Variants in VRK2 observed in about 807,000 individuals in gnomAD.
VRK2 encodes serine/threonine-protein kinase VRK2.
A neutral mutation model predicts 57.6 loss-of-function variants in VRK2; 60 were observed. That is an observed-to-expected ratio of 1.04 (90% CI 0.85 to 1.29). The LOEUF is 1.29. Among genes scored for constraint, VRK2 ranks in the 50% most tolerant of loss-of-function variants. VRK2 has a pLI of 0.00. For synonymous variants in VRK2, 231 were observed against 199.2 expected (o/e 1.16, Z -1.35); for missense variants, 705 against 588.1 (o/e 1.20, Z -2.06).
chr2:57,982,778 G>C (rs926572261), intron 1 of VRK2, among the ~76,000 whole-genome samples: 2 of 152,200 alleles, frequency 1.3e-5, no homozygotes, highest in Non-Finnish European at 2.9e-5. Context: ...GCCAGTAAAG[G>C]CTACAGCCAC....
chr2:57,982,175 G>C (rs1410483979), intron 1 of VRK2, among the ~76,000 whole-genome samples: 1 of 152,168 alleles, frequency 6.6e-6, no homozygotes, highest in Non-Finnish European at 1.5e-5. Context: ...GCACTCCTGG[G>C]CTATGTGCTG....
chr2:58,113,020 G>A (rs1468811385), intron 7 of VRK2, among the ~76,000 whole-genome samples: 2 of 152,048 alleles, frequency 1.3e-5, no homozygotes, highest in African/African-American at 4.8e-5. Context: ...TAAGACAATT[G>A]CATTTCTAGG....
chr2:58,060,063 G>A (rs1677098451), intron 2 of VRK2, among the ~76,000 whole-genome samples: 1 of 151,760 alleles, frequency 6.6e-6, no homozygotes. Flanking sequence ...AATTAGTTAT[G>A]TAAACCTTTT....
At chr2:58,013,799 C>A (rs1416854586) in intron 1 of VRK2, among the ~76,000 whole-genome samples, 1 of 135,060 alleles carries the variant, frequency 7.4e-6, no homozygotes, top group Non-Finnish European at 1.5e-5. Context: ...GCGGAGCTTG[C>A]AGTGAGCGGA....
intron 2 of VRK2, among the ~76,000 whole-genome samples, chr2:58,073,160 T>G (rs930514754): frequency 1.1e-4 from 16 of 152,260 alleles, no homozygotes; most frequent in African/African-American, 3.6e-4. Context: ...TCCATTTTGG[T>G]CTGAGAACAT....
At chr2:57,956,376 C>T (rs895827304) in intron 1 of VRK2, among the ~76,000 whole-genome samples, 4 of 152,072 alleles carry the variant, frequency 2.6e-5, no homozygotes, top group African/African-American at 9.7e-5. Flanking sequence ...CAGAGTGAGA[C>T]CCTATCTGTA....
intron 7 of VRK2, among the ~76,000 whole-genome samples, chr2:58,101,989 C>A (rs1674032970): frequency 6.6e-6 from 1 of 151,546 alleles, no homozygotes; most frequent in Non-Finnish European, 1.5e-5. Flanking sequence ...GTCAAGCCAA[C>A]CAAGTAGAGC....
chr2:58,080,718 C>G (rs1283057716), intron 2 of VRK2, among the ~76,000 whole-genome samples: 1 of 151,418 alleles, frequency 6.6e-6, no homozygotes, highest in African/African-American at 2.4e-5. Flanking sequence ...TATATTTTTA[C>G]TTTGTTCCTC....
chr2:58,003,561 T>C (rs546575828), intron 1 of VRK2, among the ~76,000 whole-genome samples: 1 of 152,178 alleles, frequency 6.6e-6, no homozygotes, highest in South Asian at 2.1e-4. Flanking sequence ...GCAAATTATT[T>C]TTAGCATAAT....
chr2:58,092,558 A>G (rs1035243271), intron 7 of VRK2, among the ~76,000 whole-genome samples: 1 of 152,174 alleles, frequency 6.6e-6, no homozygotes, highest in African/African-American at 2.4e-5. Context: ...TCTGGGTCAT[A>G]TGAAAGTGTA....
At position 57,980,934 on chromosome 2, in the gene VRK2, G is replaced by A. The variant is rs185265826; in HGVS notation, c.-438-44731G>A. On this transcript the variant is annotated intron_variant, in intron 1 of 15. Transcript: ENST00000417641. The stretch of plus-strand genomic sequence containing the variant: ...TGAGCCTATGGGTGTCATTGCATAT[G>A]AGACATGACTCTTGAAGACAGTATA... Among the ~76,000 whole-genome samples, 558 of 152,050 alleles carry A rather than the reference G, an allele frequency of 3.7e-3. 2 individuals carry two copies. The highest frequency in any genetic ancestry group is 5.8e-3 in the Non-Finnish European group (395 of 67,972).
intron 1 of VRK2, among the ~76,000 whole-genome samples, chr2:58,003,613 T>C (rs1222787971): frequency 1.3e-5 from 2 of 152,150 alleles, no homozygotes; most frequent in African/African-American, 2.4e-5. Flanking sequence ...GACTATAAAA[T>C]TAGTTTATCT....
intron 2 of VRK2, among the ~76,000 whole-genome samples, chr2:58,080,995 C>T (rs1670783523): frequency 1.3e-5 from 2 of 151,696 alleles, no homozygotes; most frequent in South Asian, 2.1e-4. Context: ...CTAATGCTGC[C>T]CATTAAACTA....
At chr2:58,077,356 T>A (rs1217762789) in intron 2 of VRK2, among the ~76,000 whole-genome samples, 1 of 152,042 alleles carries the variant, frequency 6.6e-6, no homozygotes, top group Non-Finnish European at 1.5e-5. Context: ...ATCCTAGGCC[T>A]TTGTTGTCTC....
chr2:57,953,339 T>A (rs1310744454), intron 1 of VRK2, among the ~76,000 whole-genome samples: 1 of 152,214 alleles, frequency 6.6e-6, no homozygotes, highest in Non-Finnish European at 1.5e-5. Flanking sequence ...CATATCTTTA[T>A]GATGGATTTG....
At chr2:57,908,851 G>A (rs959877655) in intron 1 of VRK2, among the ~76,000 whole-genome samples, 7 of 152,152 alleles carry the variant, frequency 4.6e-5, no homozygotes, top group African/African-American at 1.7e-4. Context: ...GGGTTGCTGG[G>A]TTTGCAAACA....
At chr2:57,909,772 A>G (rs2103879577) in intron 1 of VRK2, among the ~76,000 whole-genome samples, 1 of 152,290 alleles carries the variant, frequency 6.6e-6, no homozygotes, top group African/African-American at 2.4e-5. Context: ...TAGATTTTTA[A>G]TGAAGAAATC....
intron 1 of VRK2, among the ~76,000 whole-genome samples, chr2:57,990,170 G>A (rs910916678): frequency 1.3e-5 from 2 of 152,160 alleles, no homozygotes; most frequent in Non-Finnish European, 2.9e-5. Flanking sequence ...TAACACAAAT[G>A]GCCAAAGACT....
chr2:57,941,529 T>A (rs1269757314), intron 1 of VRK2, among the ~76,000 whole-genome samples: 1 of 152,234 alleles, frequency 6.6e-6, no homozygotes, highest in Non-Finnish European at 1.5e-5. Flanking sequence ...AAATCACCTT[T>A]CTGACACCTT....
Sources: gnomAD v4.1 joint callset for allele counts (sites outside exome capture counted in the v4.1 genomes callset) on GRCh38, gnomAD v4.1.1 for gene constraint, MANE v1.5 for transcripts, NCBI Gene and HGNC (gene_info 2026-07-23, HGNC 2026-07-21) for gene names.